The following TOX variants were observed in gnomAD, a reference collection of about 807,000 sequenced individuals.
TOX encodes the protein thymocyte selection-associated high mobility group box protein TOX.
A neutral mutation model predicts 53.7 loss-of-function variants in TOX; 11 were observed. That is an observed-to-expected ratio of 0.20 (90% CI 0.13 to 0.34). The LOEUF (loss-of-function observed/expected upper bound fraction) is 0.34. Among genes scored for constraint, TOX ranks in the 10% least tolerant of loss-of-function variants. The probability of loss-of-function intolerance (pLI) is 1.00; values close to 1 mark genes in which losing one functional copy is unlikely to be tolerated. For synonymous variants in TOX, 225 were observed against 245.3 expected (o/e 0.92, Z 0.77); for missense variants, 570 against 664.6 (o/e 0.86, Z 1.56).
chr8:58,895,062 C>T (rs1811619320), intron 3 of TOX, among the ~76,000 whole-genome samples: 1 of 151,922 alleles, frequency 6.6e-6, no homozygotes, highest in African/African-American at 2.4e-5. Flanking sequence ...GTGGCAGGTA[C>T]CCGTAATCCC....
At position 58,967,904 on chromosome 8, in the gene TOX, T is replaced by TAGTAAGTG. The variant is rs374334987; in HGVS notation, c.103-7904_103-7897dup. On this transcript the variant is annotated intron_variant, in intron 1 of 8. Transcript: ENST00000361421. Reference sequence around the variant, plus strand: ...TAAAATAGTGCCCAATGGTACCAGTTAGTAAGTGACAACACTCTTAACTGC... The same window carrying TAGTAAGTG: ...TAAAATAGTGCCCAATGGTACCAGTTAGTAAGTGAGTAAGTGACAACACTCTTAACTGC... Among the ~76,000 whole-genome samples the TAGTAAGTG allele has an allele frequency of 2.7e-4, 41 of 152,326 alleles. 1 individual carries two copies. Among genetic ancestry groups the TAGTAAGTG allele is most frequent in the African/African-American group, 8.9e-4 (37 of 41,574 alleles).
chr8:58,858,891 C>T (rs761499476), intron 3 of TOX, among the ~76,000 whole-genome samples: 5 of 152,198 alleles, frequency 3.3e-5, no homozygotes, highest in Non-Finnish European at 5.9e-5. Context: ...AGGAATAATG[C>T]ACTCTAAGAG....
At chr8:58,873,494 G>A (rs1459626028) in intron 3 of TOX, among the ~76,000 whole-genome samples, 6 of 151,994 alleles carry the variant, frequency 3.9e-5, no homozygotes, top group Non-Finnish European at 8.8e-5. Context: ...TGGTGCCTTG[G>A]TACTACTCCA....
At chr8:59,012,296 G>A (rs960310111) in intron 1 of TOX, among the ~76,000 whole-genome samples, 1 of 151,990 alleles carries the variant, frequency 6.6e-6, no homozygotes, top group African/African-American at 2.4e-5. Context: ...AAGGATGGAG[G>A]AACTCAATAA....
intron 1 of TOX, among the ~76,000 whole-genome samples, chr8:59,037,760 C>A (rs1803495837): frequency 6.8e-6 from 1 of 147,388 alleles, no homozygotes; most frequent in East Asian, 2.0e-4. Flanking sequence ...CGAGACCATG[C>A]CATTGCACTC....
intron 1 of TOX, among the ~76,000 whole-genome samples, chr8:59,029,193 T>G (rs1814303584): frequency 6.6e-6 from 1 of 152,144 alleles, no homozygotes; most frequent in Admixed American, 6.5e-5. Context: ...TTATTCATTT[T>G]TAGTTAGATG....
chr8:58,923,645 C>T (rs1812110072), intron 3 of TOX, among the ~76,000 whole-genome samples: 1 of 152,146 alleles, frequency 6.6e-6, no homozygotes, highest in Non-Finnish European at 1.5e-5. Context: ...GAGAGTGATG[C>T]TTTAAACTGT....
Position 59,011,315 on chromosome 8 carries a change from G to T in TOX, c.103-51307C>A, listed in dbSNP as rs77206554. Reference sequence around the variant, plus strand: ...TTCTACTCTATCTCCTAAGCACAATGAGCAGCTTTTCTGTGTGGAAGATCC... The same window carrying T: ...TTCTACTCTATCTCCTAAGCACAATTAGCAGCTTTTCTGTGTGGAAGATCC... On this transcript the variant is annotated intron_variant, in intron 1 of 8. Transcript: ENST00000361421. 1.3e-5 allele frequency among the ~76,000 whole-genome samples: 2 copies of T among 152,132 alleles called. 1 individual carries two copies. Among genetic ancestry groups the T allele is most frequent in the Non-Finnish European group, 2.9e-5 (2 of 68,034 alleles).
chr8:58,847,335 G>A (rs1222691957), intron 4 of TOX, among the ~76,000 whole-genome samples: 1 of 152,038 alleles, frequency 6.6e-6, no homozygotes, highest in Non-Finnish European at 1.5e-5. Flanking sequence ...TGGGTAAAGA[G>A]CAAGCAACTA....
intron 3 of TOX, among the ~76,000 whole-genome samples, chr8:58,906,917 G>C (rs1811824904): frequency 6.6e-6 from 1 of 152,154 alleles, no homozygotes; most frequent in African/African-American, 2.4e-5. Flanking sequence ...GTTTTTGGCT[G>C]TTCTGGCAAC....
intron 2 of TOX, among the ~76,000 whole-genome samples, chr8:58,953,846 C>G (rs13282142): frequency 0.063 from 9,589 of 151,876 alleles, 375 homozygotes; most frequent in East Asian, 0.21. Context: ...CGTTATGGCC[C>G]ACAGTAAAGA....
intron 3 of TOX, among the ~76,000 whole-genome samples, chr8:58,852,106 A>G (rs1180174708): frequency 6.6e-6 from 1 of 151,994 alleles, no homozygotes; most frequent in Non-Finnish European, 1.5e-5. Context: ...ATAGAAATAT[A>G]TTATTTATAT....
intron 1 of TOX, among the ~76,000 whole-genome samples, chr8:59,072,914 G>C (rs1414941977): frequency 6.6e-6 from 1 of 151,978 alleles, no homozygotes; most frequent in Non-Finnish European, 1.5e-5. Context: ...AATTGTTCTT[G>C]AATTTAAATA....
rs1805158850 is a variant in TOX, at chr8:59,118,921, G to T, written c.67C>A (p.Pro23Thr). ...AAAPDAPCLG[P>T]SPCLDPYYCN... is the part of the protein sequence containing the mutation. ...TAGTAGGGGTCCAGGCAGGGAGAAG[G>T]TCCCAGACAGGGAGCGTCGGGCGCA... The change falls in exon 1 of 9, where the codon CCT becomes ACT. Residue 23 changes from proline to threonine, a missense_variant. By Grantham distance (38) the Pro-to-Thr change is conservative. This residue lies in a region of TOX where 282 missense variants were observed against 315.0 expected (regional missense o/e 0.90). Coordinates refer to ENST00000361421, the MANE Select transcript of TOX (RefSeq NM_014729.3). The surrounding 1 kb of genome is among the most constrained non-coding windows in gnomAD (Gnocchi z 4.1). 6.2e-7 allele frequency: 1 copy of T among 1,600,980 alleles called. No homozygotes were observed. The highest frequency in any genetic ancestry group is 1.7e-5 in the Admixed American group (1 of 59,010).
At chr8:59,046,631 G>A (rs1457717688) in intron 1 of TOX, among the ~76,000 whole-genome samples, 1 of 152,132 alleles carries the variant, frequency 6.6e-6, no homozygotes, top group East Asian at 1.9e-4. Context: ...GCCAAAGTGG[G>A]TGGATCATTT....
intron 1 of TOX, among the ~76,000 whole-genome samples, chr8:58,994,305 G>A (rs1247084729): frequency 6.6e-6 from 1 of 151,774 alleles, no homozygotes; most frequent in Admixed American, 6.6e-5. Context: ...TAATGAGAAT[G>A]ACTAGAACAC....
chr8:58,839,059 G>A (rs1202770021), intron 4 of TOX, among the ~76,000 whole-genome samples: 1 of 152,128 alleles, frequency 6.6e-6, no homozygotes, highest in African/African-American at 2.4e-5. Flanking sequence ...AATAAATAAA[G>A]TCAAATGGCT....
At chr8:59,103,234 G>A (rs898304589) in intron 1 of TOX, among the ~76,000 whole-genome samples, 5 of 152,068 alleles carry the variant, frequency 3.3e-5, no homozygotes, top group African/African-American at 4.8e-5. Context: ...CAAAAGTAGA[G>A]AATTAGTGAA....
At chr8:59,073,155 G>A (rs993844824) in intron 1 of TOX, among the ~76,000 whole-genome samples, 3 of 152,014 alleles carry the variant, frequency 2.0e-5, no homozygotes, top group Non-Finnish European at 2.9e-5. Context: ...AAACTGAGTC[G>A]AATTCCTTAA....
Sources: allele counts gnomAD v4.1 joint callset (sites outside exome capture counted in the v4.1 genomes callset), GRCh38; gene constraint gnomAD v4.1.1; regional missense constraint gnomAD v4.1.1; non-coding constraint Gnocchi (gnomAD v3.1); transcripts MANE v1.5; gene names NCBI Gene and HGNC (gene_info 2026-07-23, HGNC 2026-07-21).